The following CPAMD8 variants were observed in gnomAD, a reference collection of about 807,000 sequenced individuals.
CPAMD8 encodes C3 and PZP like alpha-2-macroglobulin domain containing 8, also known as C3 and PZP-like alpha-2-macroglobulin domain-containing protein 8.
CPAMD8 carries 146 observed loss-of-function variants against 224.7 expected under a neutral mutation model. That is an observed-to-expected ratio of 0.65 (90% CI 0.57 to 0.75). CPAMD8 has a LOEUF of 0.75. CPAMD8 is among the 30% of genes least tolerant of loss of function. The pLI is 0.00. For missense variants in CPAMD8, 2,301 were observed against 2,537.5 expected (o/e 0.91, Z 2.00); for synonymous variants, 966 against 1,044.6 (o/e 0.92, Z 1.45).
intron 27 of CPAMD8, among the ~76,000 whole-genome samples, chr19:16,918,349 C>T (rs896890405): frequency 6.6e-6 from 1 of 152,164 alleles, no homozygotes; most frequent in African/African-American, 2.4e-5. Flanking sequence ...AATACAATGC[C>T]CACATGTCAC....
At chr19:17,015,890 C>G (rs1339497569) in intron 3 of CPAMD8, among the ~76,000 whole-genome samples, 1 of 152,184 alleles carries the variant, frequency 6.6e-6, no homozygotes, top group African/African-American at 2.4e-5. Flanking sequence ...AGCTTCACAC[C>G]TTCCCAGGGA....
At chr19:16,960,379 G>A (rs1003135660) in intron 18 of CPAMD8, among the ~76,000 whole-genome samples, 1 of 151,810 alleles carries the variant, frequency 6.6e-6, no homozygotes, top group Admixed American at 6.6e-5. Context: ...TTAGCAAATA[G>A]CCCAAATCTC....
chr19:16,991,577 G>T (rs556569337), intron 12 of CPAMD8, among the ~76,000 whole-genome samples: 1 of 152,088 alleles, frequency 6.6e-6, no homozygotes, highest in Non-Finnish European at 1.5e-5. Flanking sequence ...ACAGTGGGCC[G>T]GGTACGGTGG....
chr19:16,989,063 A>G (rs1447188983), intron 13 of CPAMD8, among the ~76,000 whole-genome samples: 1 of 152,130 alleles, frequency 6.6e-6, no homozygotes, highest in Admixed American at 6.6e-5. Flanking sequence ...TTGCAGGAAA[A>G]CAAGCTCAGG....
At chr19:16,914,557 C>T in intron 28 of CPAMD8, 59 bp from the exon 29 acceptor site, 5 of 1,610,582 alleles carry the variant, frequency 3.1e-6, no homozygotes, top group East Asian at 2.2e-5. Context: ...CTTCCCCCCA[C>T]TTCCCCCAGG....
rs750686774 is a variant in CPAMD8, at chr19:16,970,949, C to T, written c.2155G>A (p.Ala719Thr). 7.4e-6 allele frequency: 12 copies of T among 1,613,766 alleles called. No homozygotes were observed. The highest frequency in any genetic ancestry group is 1.6e-4 in the Middle Eastern group (1 of 6,062). The change falls in exon 18 of 42, where the codon GCT (alanine) becomes ACT (threonine). Residue 719 changes from alanine (A) to threonine (T), a missense_variant. This residue lies in a region of CPAMD8 where 1,709 missense variants were observed against 1,753.2 expected (regional missense o/e 0.97). Transcript: ENST00000443236. ...GGLYTDEAVPAFQPHTGSLVA... is the reference protein window; with the variant it reads ...GGLYTDEAVPTFQPHTGSLVA... ...AGGCTCCCTGTGTGGGGCTGGAAAG[C>T]GGGGACAGCCTCATCGGTGTAGAGG...
chr19:17,007,569 G>A (rs2056527404), intron 7 of CPAMD8, among the ~76,000 whole-genome samples: 1 of 152,080 alleles, frequency 6.6e-6, no homozygotes, highest in African/African-American at 2.4e-5. Context: ...CAAGGCAGGA[G>A]ACAGAAGGAG....
chr19:17,001,293 CCTGGGCGACAGAGTAAGACT>C (rs1189324684), intron 9 of CPAMD8, among the ~76,000 whole-genome samples: 197 of 140,026 alleles, frequency 1.4e-3, no homozygotes, highest in African/African-American at 5.0e-3. Context: ...TACACTCCAG[CCTGGGCGACAGAGTAAGACT>C]CCGTCTGAAA....
chr19:16,970,071 A>T (rs1463838727), intron 18 of CPAMD8, among the ~76,000 whole-genome samples: 10 of 148,914 alleles, frequency 6.7e-5, no homozygotes, highest in Admixed American at 6.7e-4. Flanking sequence ...CGTCTCTACT[A>T]AAAATACAAA....
At chr19:17,011,832 A>G in intron 3 of CPAMD8, 75 bp from the exon 4 acceptor site, 1 of 1,515,952 alleles carries the variant, frequency 6.6e-7, no homozygotes, top group Non-Finnish European at 8.9e-7. Context: ...AGGAGTTTGG[A>G]GGCCTGGAAC....
chr19:16,965,973 A>C (rs977076845), intron 18 of CPAMD8, among the ~76,000 whole-genome samples: 2 of 152,240 alleles, frequency 1.3e-5, no homozygotes, highest in African/African-American at 4.8e-5. Context: ...GACTTTCTTC[A>C]CAGAATTGGA....
chr19:16,977,147 A>T (rs1159324648), intron 15 of CPAMD8, among the ~76,000 whole-genome samples: 1 of 152,198 alleles, frequency 6.6e-6, no homozygotes, highest in African/African-American at 2.4e-5. Flanking sequence ...CAACAAAGGC[A>T]GAGAATAATT....
intron 1 of CPAMD8, among the ~76,000 whole-genome samples, chr19:17,026,172 C>T (rs1403396814): frequency 6.6e-6 from 1 of 152,222 alleles, no homozygotes; most frequent in Non-Finnish European, 1.5e-5. Context: ...CCTCCTCCCT[C>T]ACCACGCCCA....
chr19:16,968,224 G>A (rs1174740257), intron 18 of CPAMD8, among the ~76,000 whole-genome samples: 1 of 152,004 alleles, frequency 6.6e-6, no homozygotes, highest in Non-Finnish European at 1.5e-5. Context: ...GCTTCCATGT[G>A]TATCCAAACT....
chr19:17,013,381 G>A (rs994336026), intron 3 of CPAMD8: 3 of 151,898 alleles, frequency 2.0e-5, no homozygotes, highest in Non-Finnish European at 4.4e-5. Flanking sequence ...GTGTGTGTCA[G>A]GCACCTGTAG....
chr19:16,962,335 A>G (rs769931794), intron 18 of CPAMD8, among the ~76,000 whole-genome samples: 12 of 152,214 alleles, frequency 7.9e-5, no homozygotes, highest in Non-Finnish European at 1.8e-4. Context: ...AACAGCATAG[A>G]GAAGAACTTA....
intron 22 of CPAMD8, among the ~76,000 whole-genome samples, chr19:16,939,904 TTTTTTG>T (rs1307020455): frequency 1.3e-5 from 2 of 151,868 alleles, no homozygotes; most frequent in Admixed American, 6.6e-5. Flanking sequence ...GTTTTGGGTT[TTTTTTG>T]TTTTTGTTTT....
chr19:16,902,713 C>G lies in CPAMD8; in HGVS notation c.4621G>C (p.Asp1541His). The G allele has an allele frequency of 6.2e-7, 1 of 1,605,694 alleles. No individual in the cohort carries two copies. The highest frequency in any genetic ancestry group is 8.5e-7 in the Non-Finnish European group (1 of 1,174,858). ...TGCTGATCGGCCGCTGGGTCATCAT[C>G]GTCAGCTGGGGGCCAGTCTCCTCGG... ...GSRGDWPPAD[D>H]DDPAADQHHQ... Residue 1541 changes from aspartate to histidine, a missense_variant, in exon 35 of 42, where the codon GAT becomes CAT. This residue lies in a region of CPAMD8 where 1,709 missense variants were observed against 1,753.2 expected (regional missense o/e 0.97). Coordinates refer to ENST00000443236, the MANE Select transcript of CPAMD8 (RefSeq NM_015692.5).
chr19:16,970,967 TG>T lies in CPAMD8; in HGVS notation c.2136del (p.Tyr712Ter), dbSNP rs1448851276. On this transcript the variant is annotated frameshift_variant, in exon 18 of 42. Transcript: ENST00000443236. LOFTEE classifies it high-confidence loss of function. ...SLNHRQDGGL[Y>X]TDEAVPAFQP... ...TGGAAAGCGGGGACAGCCTCATCGG[TG>T]TAGAGGCCACCGTCCTGCCGGTGGT... is the stretch of plus-strand genomic sequence containing the variant. 6.2e-7 allele frequency: 1 copy of T among 1,613,462 alleles called. No individual in the cohort carries two copies. Among genetic ancestry groups the T allele is most frequent in the Admixed American group, 1.7e-5 (1 of 59,974 alleles).
Sources: allele counts gnomAD v4.1 joint callset (sites outside exome capture counted in the v4.1 genomes callset), GRCh38; gene constraint gnomAD v4.1.1; regional missense constraint gnomAD v4.1.1; transcripts MANE v1.5; gene names NCBI Gene and HGNC (gene_info 2026-07-23, HGNC 2026-07-21).